The following TAF4B variants were observed in gnomAD, a reference collection of about 807,000 sequenced individuals.
The protein encoded by TAF4B is transcription initiation factor TFIID subunit 4B.
A neutral mutation model predicts 86.4 loss-of-function variants in TAF4B; 38 were observed. The ratio of observed to expected loss-of-function variants is 0.44; its 90% CI spans 0.34 to 0.58. The LOEUF (loss-of-function observed/expected upper bound fraction) is 0.58. Among genes scored for constraint, TAF4B ranks in the 20% least tolerant of loss-of-function variants. The pLI is 0.02. For synonymous variants in TAF4B, 388 were observed against 391.2 expected (o/e 0.99, Z 0.10); for missense variants, 988 against 1,027.6 (o/e 0.96, Z 0.53).
At chr18:26,273,669 G>A (rs190930716) in intron 3 of TAF4B, among the ~76,000 whole-genome samples, 28 of 152,260 alleles carry the variant, frequency 1.8e-4, no homozygotes, top group African/African-American at 6.7e-4. Context: ...TGCTGGTATT[G>A]TAAGTGTGAG....
chr18:26,340,311 G>A (rs1011354912), intron 13 of TAF4B, among the ~76,000 whole-genome samples: 8 of 152,176 alleles, frequency 5.3e-5, no homozygotes, highest in Non-Finnish European at 1.2e-4. Flanking sequence ...AATGAAAGGT[G>A]ATAGGTAAAC....
intron 1 of TAF4B, among the ~76,000 whole-genome samples, chr18:26,231,587 A>G (rs1044572932): frequency 6.6e-6 from 1 of 151,888 alleles, no homozygotes; most frequent in Non-Finnish European, 1.5e-5. Context: ...TCCTGGCCTC[A>G]AGTGATCTGC....
intron 6 of TAF4B, among the ~76,000 whole-genome samples, chr18:26,285,222 G>GTTTTTTTTTTTTGGTTTTTTTTTTTTTTT (rs2056501259): frequency 2.2e-5 from 1 of 45,660 alleles, no homozygotes; most frequent in East Asian, 1.1e-3. Flanking sequence ...TTTTTTTTTT[G>GTTTTTTTTTTTTGGTTTTTTTTTTTTTTT]TTTTTTTTTT....
intron 13 of TAF4B, among the ~76,000 whole-genome samples, chr18:26,340,628 TTA>T (rs956681523): frequency 6.6e-6 from 1 of 152,144 alleles, no homozygotes; most frequent in African/African-American, 2.4e-5. Flanking sequence ...CAACCAGAGT[TTA>T]TAATACTGTA....
Position 26,390,098 on chromosome 18 carries a change from C to A in TAF4B, c.*86C>A. 1 of 1,366,096 alleles carries A rather than the reference C, an allele frequency of 7.3e-7. No individual in the cohort carries two copies. Among genetic ancestry groups the A allele is most frequent in the Non-Finnish European group, 9.9e-7 (1 of 1,011,760 alleles). 84.6% of individuals were successfully genotyped at this position (1,366,096 alleles called of 1,614,324 possible). ...TTGCACTGTCCTGAAATTTCAATTT[C>A]TGGAAAATAATCACCAACATGAAAG... is the stretch of plus-strand genomic sequence containing the variant. On this transcript the variant is annotated 3_prime_UTR_variant, in exon 15 of 15. Transcript: ENST00000269142.
At chr18:26,328,258 G>T (rs1007813089) in intron 12 of TAF4B, among the ~76,000 whole-genome samples, 2 of 152,020 alleles carry the variant, frequency 1.3e-5, no homozygotes, top group Non-Finnish European at 2.9e-5. Context: ...AGACTATCCT[G>T]GCCAACATGG....
intron 10 of TAF4B, among the ~76,000 whole-genome samples, chr18:26,320,446 T>C (rs1028134977): frequency 1.3e-5 from 2 of 152,196 alleles, no homozygotes; most frequent in Admixed American, 6.5e-5. Context: ...GATTTTTTTA[T>C]GGAAAGGAAA....
intron 12 of TAF4B, among the ~76,000 whole-genome samples, chr18:26,330,554 G>A (rs995775826): frequency 3.9e-5 from 6 of 152,142 alleles, no homozygotes; most frequent in African/African-American, 1.4e-4. Context: ...TGCTAAAAGG[G>A]TGTCATTACA....
At chr18:26,249,750 A>G (rs2055977484) in intron 1 of TAF4B, among the ~76,000 whole-genome samples, 2 of 152,074 alleles carry the variant, frequency 1.3e-5, no homozygotes, top group Admixed American at 1.3e-4. Flanking sequence ...ACAAAGTCTC[A>G]TTCTTTCTTT....
At chr18:26,243,299 C>T (rs1174153687) in intron 1 of TAF4B, among the ~76,000 whole-genome samples, 4 of 151,680 alleles carry the variant, frequency 2.6e-5, no homozygotes, top group African/African-American at 9.7e-5. Context: ...ATTCTTTTTT[C>T]TCTAAACTTC....
In TAF4B at chr18:26,293,396, A is replaced by G. The variant is rs906261821; in HGVS notation, c.1727-30A>G. 3.3e-6 allele frequency: 5 copies of G among 1,499,378 alleles called. No individual in the cohort carries two copies. The African/African-American group carries it at 7.0e-5, about 21-fold the overall frequency. 92.9% of individuals were successfully genotyped at this position (1,499,378 alleles called of 1,614,324 possible). A position where few individuals can be genotyped will look rare whatever the true frequency, so the allele number is the denominator to read the frequency against. On this transcript the variant is annotated intron_variant, in intron 8 of 14. Transcript: ENST00000269142. ...AATGTGGTGTGATTGCTTTTTTTGTATTCTATTTTTTCTTGTTTTGTTTTT... is the reference window on the plus strand; with the variant it reads ...AATGTGGTGTGATTGCTTTTTTTGTGTTCTATTTTTTCTTGTTTTGTTTTT...
intron 12 of TAF4B, among the ~76,000 whole-genome samples, 160 bp from the exon 13 acceptor site, chr18:26,335,015 G>A (rs1198585574): frequency 1.3e-5 from 2 of 152,160 alleles, no homozygotes; most frequent in Non-Finnish European, 2.9e-5. Context: ...GGGGGCAGGG[G>A]AAACCAGGGT....
intron 13 of TAF4B, among the ~76,000 whole-genome samples, chr18:26,346,893 A>ATGTGTG (rs2057201197): frequency 1.2e-4 from 1 of 8,316 alleles, no homozygotes; most frequent in Non-Finnish European, 4.2e-4. Flanking sequence ...ATATATATAT[A>ATGTGTG]TATATATGTG....
intron 14 of TAF4B, among the ~76,000 whole-genome samples, chr18:26,385,583 A>G (rs1454390408): frequency 1.3e-5 from 2 of 152,132 alleles, no homozygotes; most frequent in Non-Finnish European, 2.9e-5. Context: ...CAGGTGAAGA[A>G]TCCAGATTAA....
intron 12 of TAF4B, among the ~76,000 whole-genome samples, chr18:26,331,582 C>T (rs1304345405): frequency 2.0e-5 from 3 of 152,120 alleles, no homozygotes; most frequent in Non-Finnish European, 2.9e-5. Context: ...TATAGATTTT[C>T]TTGACTCAAT....
At chr18:26,230,803 G>A (rs4800250) in intron 1 of TAF4B, among the ~76,000 whole-genome samples, 97,902 of 151,980 alleles carry the variant, frequency 0.64, 33,671 homozygotes, top group African/African-American at 0.87. Flanking sequence ...AGGGCCTAGT[G>A]AGTTGTGCAC....
At position 26,390,423 on chromosome 18, in the gene TAF4B, A is replaced by T. The variant is rs992146532; in HGVS notation, c.*411A>T. On this transcript the variant is annotated 3_prime_UTR_variant, in exon 15 of 15. Coordinates refer to ENST00000269142, the MANE Select transcript of TAF4B (RefSeq NM_005640.3). ...AGAATGACTATTTCATTCTATATTG[A>T]ACCTGTCCCAAAGTGGTAGGTTTTC... 1 of 156,952 alleles carries T rather than the reference A, an allele frequency of 6.4e-6. No homozygotes were observed. Among genetic ancestry groups the T allele is most frequent in the Admixed American group, 6.4e-5 (1 of 15,608 alleles). The allele number at this position is 156,952 out of a possible 1,614,324, so 9.7% of individuals were successfully genotyped here.
chr18:26,275,036 C>A lies in TAF4B; in HGVS notation c.865C>A (p.Leu289Met), dbSNP rs1051675916. ...SPEMGQNVKK[L>M]VEQLLDAKIE... ...AGAAATGGGGCAAAATGTGAAGAAGCTGGTGGAACAACTTTTGGTAAGTAG... is the reference window on the plus strand; with the variant it reads ...AGAAATGGGGCAAAATGTGAAGAAGATGGTGGAACAACTTTTGGTAAGTAG... The change falls in exon 5 of 15, where the codon CTG becomes ATG. Residue 289 changes from leucine to methionine, a missense_variant. Physicochemically the swap from Leu to Met is conservative, Grantham distance 15. This residue lies in a region of TAF4B where 747 missense variants were observed against 737.9 expected (regional missense o/e 1.01). Coordinates refer to ENST00000269142, the MANE Select transcript of TAF4B (RefSeq NM_005640.3). 1 of 1,610,114 alleles carries A rather than the reference C, an allele frequency of 6.2e-7. No individual in the cohort carries two copies. The highest frequency in any genetic ancestry group is 1.3e-5 in the African/African-American group (1 of 74,732).
At chr18:26,301,628 A>G (rs551549011) in intron 9 of TAF4B, among the ~76,000 whole-genome samples, 2 of 152,040 alleles carry the variant, frequency 1.3e-5, no homozygotes, top group African/African-American at 2.4e-5. Flanking sequence ...AATGTTTCCA[A>G]TGTCCGGGTT....
Sources: allele counts gnomAD v4.1 joint callset (sites outside exome capture counted in the v4.1 genomes callset), GRCh38; gene constraint gnomAD v4.1.1; regional missense constraint gnomAD v4.1.1; transcripts MANE v1.5; gene names NCBI Gene and HGNC (gene_info 2026-07-23, HGNC 2026-07-21).